Variants in SHPRH observed in about 807,000 individuals in gnomAD.
SHPRH encodes the protein SNF2 histone linker PHD RING helicase, also known as E3 ubiquitin-protein ligase SHPRH.
In SHPRH, 106 loss-of-function variants were observed where a neutral mutation model predicts 202.5. That is an observed-to-expected ratio of 0.52 (90% CI 0.45 to 0.62). The LOEUF is 0.62. SHPRH is among the 20% of genes least tolerant of loss of function. The probability of loss-of-function intolerance (pLI) is 0.00; values close to 1 mark genes in which losing one functional copy is unlikely to be tolerated. For missense variants in SHPRH, 1,710 were observed against 2,020.0 expected, an observed-to-expected ratio of 0.85 and a Z score of 2.94; for synonymous variants, 729 against 686.0, an observed-to-expected ratio of 1.06 and a Z score of -0.98.
chr6:145,923,678 G>A lies in SHPRH; in HGVS notation c.3510C>T (p.Tyr1170=), dbSNP rs1562325549. ...QRVRNEITSN[Y]KQQTGKLSMS... The stretch of plus-strand genomic sequence containing the variant: ...TAGAAAGCTTGCCAGTTTGTTGCTT[G>A]TAGTTGCTGGTTATTTCATTTCGCA... The change falls in exon 18 of 30, where the codon TAC becomes TAT. Residue 1170 remains tyrosine (Y), a synonymous_variant. Coordinates refer to ENST00000275233, the MANE Select transcript of SHPRH (RefSeq NM_001042683.3). 6.2e-7 allele frequency: 1 copy of A among 1,611,526 alleles called. No homozygotes were observed. Among genetic ancestry groups the A allele is most frequent in the South Asian group, 1.1e-5 (1 of 90,878 alleles).
chr6:145,893,753 G>T (rs1274103174), intron 27 of SHPRH, among the ~76,000 whole-genome samples: 1 of 152,088 alleles, frequency 6.6e-6, no homozygotes, highest in Non-Finnish European at 1.5e-5. Flanking sequence ...TTTGGTCTCT[G>T]TGTGTGCCTG....
At position 145,885,113 on chromosome 6, in the gene SHPRH, T is replaced by C. The variant is rs530326000; in HGVS notation, c.*1578A>G. On this transcript the variant is annotated 3_prime_UTR_variant, in exon 30 of 30. Coordinates refer to ENST00000275233, the MANE Select transcript of SHPRH (RefSeq NM_001042683.3). ...GACCTGGGCTCCACTGTTTACTTGCTACATGTCCTAAGAAAGTTTCAATAT... is the reference window on the plus strand; with the variant it reads ...GACCTGGGCTCCACTGTTTACTTGCCACATGTCCTAAGAAAGTTTCAATAT... 3.3e-5 allele frequency: 5 copies of C among 152,318 alleles called. No homozygotes were observed. In the South Asian group the frequency reaches 1.0e-3, roughly 32 times the overall value. 9.4% of individuals were successfully genotyped at this position (152,318 alleles called of 1,614,324 possible). A position where few individuals can be genotyped will look rare whatever the true frequency, so the allele number is the denominator to read the frequency against.
chr6:145,886,445 T>C lies in SHPRH; in HGVS notation c.*246A>G. 6.2e-6 allele frequency: 5 copies of C among 810,806 alleles called. No homozygotes were observed. Among genetic ancestry groups the C allele is most frequent in the Non-Finnish European group, 8.7e-6 (4 of 458,026 alleles). 50.2% of individuals were successfully genotyped at this position (810,806 alleles called of 1,614,324 possible). A position where few individuals can be genotyped will look rare whatever the true frequency, so the allele number is the denominator to read the frequency against. On this transcript the variant is annotated 3_prime_UTR_variant, in exon 30 of 30. Coordinates refer to ENST00000275233, the MANE Select transcript of SHPRH (RefSeq NM_001042683.3). ...TTGCATCATCAGATATAGATACTAT[T>C]TGGGACAAAAAATAAATGTTTTATT...
chr6:145,937,867 A>C (rs1185076300), intron 11 of SHPRH, among the ~76,000 whole-genome samples: 3 of 152,106 alleles, frequency 2.0e-5, no homozygotes, highest in African/African-American at 7.2e-5. Flanking sequence ...TCAGCATCCC[A>C]ATTGTATGAT....
rs568628223 is a variant in SHPRH, at chr6:145,953,749, A to G, written c.633+941T>C. ...ATTATCTGGCCTGATTTTCAACACA[A>G]TTCTATGCTGTAAGAAGAATGGGTA... On this transcript the variant is annotated intron_variant, in intron 2 of 29. Coordinates refer to ENST00000275233, the MANE Select transcript of SHPRH (RefSeq NM_001042683.3). Among the ~76,000 whole-genome samples the G allele has an allele frequency of 3.9e-5, 6 of 152,248 alleles. No individual in the cohort carries two copies. The South Asian group carries it at 1.2e-3, about 31-fold the overall frequency.
intron 13 of SHPRH, among the ~76,000 whole-genome samples, chr6:145,933,732 G>A (rs1785722009): frequency 6.6e-6 from 1 of 151,854 alleles, no homozygotes; most frequent in Admixed American, 6.6e-5. Context: ...TCCCTTATTT[G>A]TCTATAACCT....
intron 6 of SHPRH, 33 bp from the exon 7 acceptor site, chr6:145,946,374 G>T: frequency 6.6e-7 from 1 of 1,514,292 alleles, no homozygotes; most frequent in Non-Finnish European, 9.0e-7. Context: ...GTTACACAGT[G>T]TTTTGCTTTC....
chr6:145,935,132 T>C lies in SHPRH; in HGVS notation c.2765A>G (p.His922Arg). ...IQIPPQTEEI[H>R]WLHFSPVERH... ...TTCCACTGGAGAAAAGTGGAGCCAG[T>C]GTATTTCTTCGGTTTGTGGTGGTAT... Residue 922 changes from histidine (H) to arginine (R), a missense_variant, in exon 13 of 30, where the codon CAC becomes CGC. Around this residue, in one of 8 missense-constraint regions of SHPRH, gnomAD observed 277 missense variants for 363.0 expected, o/e 0.76. Transcript: ENST00000275233. 6.2e-7 allele frequency: 1 copy of C among 1,613,478 alleles called. No individual in the cohort carries two copies. Among genetic ancestry groups the C allele is most frequent in the Non-Finnish European group, 8.5e-7 (1 of 1,179,918 alleles).
chr6:145,960,031 A>G (rs1031914852), intron 1 of SHPRH, among the ~76,000 whole-genome samples: 2 of 152,246 alleles, frequency 1.3e-5, no homozygotes, highest in African/African-American at 4.8e-5. Flanking sequence ...CATGCTGTGT[A>G]ACACACTACC....
intron 9 of SHPRH, among the ~76,000 whole-genome samples, chr6:145,942,910 C>T (rs1562353940): frequency 6.6e-6 from 1 of 152,140 alleles, no homozygotes; most frequent in Non-Finnish European, 1.5e-5. Flanking sequence ...AAAGCTTCCA[C>T]ATCTTTATAC....
At chr6:145,920,581 A>G (rs1325761109) in intron 21 of SHPRH, among the ~76,000 whole-genome samples, 3 of 151,976 alleles carry the variant, frequency 2.0e-5, no homozygotes, top group Non-Finnish European at 4.4e-5. Context: ...ATAAAAAAAC[A>G]CTTCTTTCCT....
At chr6:145,910,181 T>C (rs1021470240) in intron 25 of SHPRH, 10 of 338,386 alleles carry the variant, frequency 3.0e-5, no homozygotes, top group African/African-American at 1.0e-4. Context: ...TTATAGAGGA[T>C]AGGAAACTGT....
At chr6:145,948,602 G>T (rs1327995735) in intron 4 of SHPRH, among the ~76,000 whole-genome samples, 1 of 151,920 alleles carries the variant, frequency 6.6e-6, no homozygotes, top group African/African-American at 2.4e-5. Context: ...GCAAATAATA[G>T]GACAGATAAG....
Position 145,943,212 on chromosome 6 carries a change from T to C in SHPRH, c.2169A>G (p.Pro723=). The C allele has an allele frequency of 6.2e-7, 1 of 1,613,682 alleles. No individual in the cohort carries two copies. Among genetic ancestry groups the C allele is most frequent in the Non-Finnish European group, 8.5e-7 (1 of 1,179,818 alleles). The change falls in exon 9 of 30, where the codon CCA becomes CCG. Residue 723 remains proline (P), a synonymous_variant. Transcript: ENST00000275233. ...VSTRATLIIS[P]SSICHQWVDE... is the part of the protein sequence containing the mutation. The stretch of plus-strand genomic sequence containing the variant: ...CCACCCACTGGTGACAGATGGAACT[T>C]GGAGAGATGATCAGAGTTGCTCTTG...
chr6:145,886,489 ATCTT>A lies in SHPRH; in HGVS notation c.*198_*201del. On this transcript the variant is annotated 3_prime_UTR_variant, in exon 30 of 30. Coordinates refer to ENST00000275233, the MANE Select transcript of SHPRH (RefSeq NM_001042683.3). ...TTTTATTAGGAGTGTAAAATTAAGA[ATCTT>A]TATAGATCTTTTGGAAACAGTATAT... 2.0e-6 allele frequency: 2 copies of A among 980,054 alleles called. No homozygotes were observed. The highest frequency in any genetic ancestry group is 3.2e-6 in the Non-Finnish European group (2 of 630,766). The allele number at this position is 980,054 out of a possible 1,614,324, so 60.7% of individuals were successfully genotyped here.
intron 2 of SHPRH, among the ~76,000 whole-genome samples, chr6:145,864,936 C>T (rs919544373): frequency 2.5e-5 from 3 of 121,224 alleles, no homozygotes; most frequent in African/African-American, 9.1e-5. Flanking sequence ...TTTATAAACA[C>T]ACACACTCAC....
intron 2 of SHPRH, among the ~76,000 whole-genome samples, chr6:145,868,802 T>C (rs1296327571): frequency 6.6e-6 from 1 of 152,256 alleles, no homozygotes; most frequent in Admixed American, 6.5e-5. Flanking sequence ...AGCTGATTTC[T>C]TGAAATGTCA....
chr6:145,945,252 A>G (rs1787241849), intron 8 of SHPRH, 129 bp downstream of exon 8: 11 of 1,091,598 alleles, frequency 1.0e-5, no homozygotes, highest in South Asian at 3.9e-5. Flanking sequence ...AGTTACAGAT[A>G]TAAGTACTTT....
At chr6:145,880,132 G>A (rs1302141235), downstream of SHPRH, among the ~76,000 whole-genome samples, 1 of 151,970 alleles carries the variant, frequency 6.6e-6, no homozygotes, top group Non-Finnish European at 1.5e-5. Context: ...ATTTACTGTT[G>A]ACTTTTTCCC....
Sources: gnomAD v4.1 joint callset for allele counts (sites outside exome capture counted in the v4.1 genomes callset) on GRCh38, gnomAD v4.1.1 for gene constraint, gnomAD v4.1.1 regional missense constraint, MANE v1.5 for transcripts, NCBI Gene and HGNC (gene_info 2026-07-23, HGNC 2026-07-21) for gene names.